CTNNA3: variants seen among roughly 807,000 people sequenced by gnomAD.
CTNNA3 encodes the protein catenin alpha-3.
Under a neutral mutation model 95.7 loss-of-function variants are expected in CTNNA3, and 76 were observed. The observed-to-expected ratio is 0.79, with a 90% CI of 0.66 to 0.96. The LOEUF is 0.96. CTNNA3 is among the 40% of genes least tolerant of loss of function. The probability of loss-of-function intolerance (pLI) is 0.00; values close to 1 mark genes in which losing one functional copy is unlikely to be tolerated. For synonymous variants in CTNNA3, 431 were observed against 374.4 expected (o/e 1.15, Z -1.74); for missense variants, 1,191 against 1,089.8 (o/e 1.09, Z -1.31).
intron 5 of CTNNA3, among the ~76,000 whole-genome samples, chr10:67,446,731 A>C (rs1040188834): frequency 6.6e-6 from 1 of 152,194 alleles, no homozygotes; most frequent in Non-Finnish European, 1.5e-5. Flanking sequence ...ATAGACATCA[A>C]GGGAGATAGG....
intron 9 of CTNNA3, among the ~76,000 whole-genome samples, chr10:66,675,656 A>T (rs532006462): frequency 2.6e-4 from 39 of 152,238 alleles, no homozygotes; most frequent in Non-Finnish European, 5.0e-4. Context: ...AGTAAGATTT[A>T]CTTTTAGTTC....
intron 15 of CTNNA3, among the ~76,000 whole-genome samples, chr10:66,042,895 GTC>G (rs2079727247): frequency 4.1e-5 from 2 of 49,168 alleles, no homozygotes; most frequent in Non-Finnish European, 6.6e-5. Flanking sequence ...GCGAGACTCT[GTC>G]TCAAAAAAAA....
chr10:67,327,146 C>T (rs2132570172), intron 5 of CTNNA3, among the ~76,000 whole-genome samples: 1 of 152,294 alleles, frequency 6.6e-6, no homozygotes, highest in African/African-American at 2.4e-5. Context: ...TGATTTTTAG[C>T]TTCCTTGGAT....
chr10:67,613,441 T>C (rs1843531245), intron 2 of CTNNA3, among the ~76,000 whole-genome samples: 1 of 151,960 alleles, frequency 6.6e-6, no homozygotes, highest in Non-Finnish European at 1.5e-5. Flanking sequence ...TGTTCAGTGA[T>C]TCATACGAGG....
intron 1 of CTNNA3, among the ~76,000 whole-genome samples, chr10:67,704,242 C>CCAATG (rs1305995533): frequency 2.6e-5 from 4 of 152,298 alleles, no homozygotes; most frequent in African/African-American, 9.6e-5. Context: ...CATCAAGCTA[C>CCAATG]CAATGACTTT....
rs533701914 is a variant in CTNNA3, at chr10:66,176,263, G to A, written c.1885-73014C>T. ...TCTTAAGAGAATGTGACAGTTGATGGTCTGAAAGTAAAGAAAAGGAGAAAG... is the reference window on the plus strand; with the variant it reads ...TCTTAAGAGAATGTGACAGTTGATGATCTGAAAGTAAAGAAAAGGAGAAAG... On this transcript the variant is annotated intron_variant, in intron 13 of 17. Coordinates refer to ENST00000433211, the MANE Select transcript of CTNNA3 (RefSeq NM_013266.4). 2.0e-5 allele frequency among the ~76,000 whole-genome samples: 3 copies of A among 152,206 alleles called. No homozygotes were observed. In the South Asian group the frequency reaches 6.2e-4, roughly 32 times the overall value.
chr10:66,244,645 G>A (rs1057234664), intron 13 of CTNNA3, among the ~76,000 whole-genome samples: 8 of 152,186 alleles, frequency 5.3e-5, no homozygotes, highest in Non-Finnish European at 1.0e-4. Flanking sequence ...CAACAAAGGC[G>A]GCACATTTAT....
chr10:66,769,518 A>C (rs1040942274), intron 8 of CTNNA3, among the ~76,000 whole-genome samples: 32 of 152,302 alleles, frequency 2.1e-4, no homozygotes, highest in Non-Finnish European at 4.3e-4. Context: ...CTCTGGATCT[A>C]TCTCTGATTT....
At chr10:65,995,879 C>T (rs2078646047) in intron 15 of CTNNA3, among the ~76,000 whole-genome samples, 1 of 152,130 alleles carries the variant, frequency 6.6e-6, no homozygotes, top group South Asian at 2.1e-4. Context: ...GACAATGTGC[C>T]CAGGCATGGG....
chr10:66,418,202 C>A (rs1422170443), intron 11 of CTNNA3, among the ~76,000 whole-genome samples: 1 of 148,590 alleles, frequency 6.7e-6, no homozygotes, highest in Admixed American at 6.7e-5. Context: ...ACAACTGATA[C>A]AACAGAAATA....
At chr10:66,580,999 T>A (rs1843167140) in intron 10 of CTNNA3, among the ~76,000 whole-genome samples, 1 of 151,742 alleles carries the variant, frequency 6.6e-6, no homozygotes, top group African/African-American at 2.4e-5. Context: ...ACCTTCAGTA[T>A]CTCGTTTTCA....
At chr10:67,014,348 A>AT (rs1852522673) in intron 7 of CTNNA3, among the ~76,000 whole-genome samples, 1 of 152,162 alleles carries the variant, frequency 6.6e-6, no homozygotes, top group Non-Finnish European at 1.5e-5. Flanking sequence ...CTTGGCTTCT[A>AT]TTTACAGCTT....
intron 3 of CTNNA3, among the ~76,000 whole-genome samples, chr10:67,586,253 C>G (rs1842621500): frequency 6.6e-6 from 1 of 152,048 alleles, no homozygotes; most frequent in Non-Finnish European, 1.5e-5. Flanking sequence ...TATGGTCTAT[C>G]TTGGAGAACA....
chr10:66,993,741 T>C (rs1851170814), intron 7 of CTNNA3, among the ~76,000 whole-genome samples: 1 of 151,860 alleles, frequency 6.6e-6, no homozygotes, highest in African/African-American at 2.4e-5. Flanking sequence ...ATTGAGCCTG[T>C]ATTTCGGATT....
rs1840825127 is a variant in CTNNA3 at position 67,545,647 on chromosome 10, A to T, written c.293-5978T>A. Among the ~76,000 whole-genome samples the T allele has an allele frequency of 2.6e-5, 4 of 152,254 alleles. No individual in the cohort carries two copies. The South Asian group carries it at 8.3e-4, about 32-fold the overall frequency. ...AAAGGATTATAAAAGATCAAGAAAG[A>T]TTCTGCAGTTAGGTAGCTTCGCAAG... On this transcript the variant is annotated intron_variant, in intron 3 of 17. Transcript: ENST00000433211.
intron 3 of CTNNA3, among the ~76,000 whole-genome samples, chr10:67,563,077 T>C (rs1369135614): frequency 1.3e-5 from 2 of 152,120 alleles, no homozygotes; most frequent in Admixed American, 6.5e-5. Flanking sequence ...AGGTAATTTA[T>C]AGATTCAATG....
At chr10:67,631,844 T>G (rs1370294391) in intron 2 of CTNNA3, among the ~76,000 whole-genome samples, 2 of 152,136 alleles carry the variant, frequency 1.3e-5, no homozygotes, top group African/African-American at 2.4e-5. Flanking sequence ...TGGAGGACAT[T>G]ATGCTAAATG....
intron 13 of CTNNA3, among the ~76,000 whole-genome samples, chr10:66,118,851 T>C (rs985210019): frequency 1.3e-5 from 2 of 152,150 alleles, no homozygotes; most frequent in South Asian, 2.1e-4. Context: ...TTGGTTTAAT[T>C]GAATTAACCG....
At chr10:66,671,926 T>A (rs78287057) in intron 9 of CTNNA3, among the ~76,000 whole-genome samples, 11,645 of 152,194 alleles carry the variant, frequency 0.077, 499 homozygotes, top group Middle Eastern at 0.13. Context: ...TGTTTCATAG[T>A]TGGTATGGAC....
Sources: allele counts gnomAD v4.1 joint callset (sites outside exome capture counted in the v4.1 genomes callset), GRCh38; gene constraint gnomAD v4.1.1; transcripts MANE v1.5; gene names NCBI Gene and HGNC (gene_info 2026-07-23, HGNC 2026-07-21).